ANK3: variants seen among roughly 807,000 people sequenced by gnomAD.
ANK3 encodes ankyrin-3.
ANK3 carries 57 observed loss-of-function variants against 370.9 expected under a neutral mutation model. That is an observed-to-expected ratio of 0.15 (90% confidence interval 0.12 to 0.19). The LOEUF is 0.19. Ranked by LOEUF, ANK3 falls within the 10% of genes least tolerant of loss-of-function variation. The pLI, the probability that ANK3 is intolerant of heterozygous loss-of-function variation, is 1.00. For synonymous variants in ANK3, 1,929 were observed against 1,946.3 expected (o/e 0.99, Z 0.23); for missense variants, 4,439 against 5,302.1 (o/e 0.84, Z 5.06).
chr10:60,042,841 G>A, intron 42 of ANK3, 82 bp from the exon 43 acceptor site: 4 of 1,584,904 alleles, frequency 2.5e-6, no homozygotes, highest in Non-Finnish European at 3.4e-6. Context: ...CTTGGAGGCT[G>A]GATTAGGACA....
intron 2 of ANK3, among the ~76,000 whole-genome samples, chr10:60,476,037 A>G (rs1251227782): frequency 6.6e-6 from 1 of 152,204 alleles, no homozygotes; most frequent in Non-Finnish European, 1.5e-5. Context: ...AGAAACCTCT[A>G]TGTTTTATTG....
intron 1 of ANK3, among the ~76,000 whole-genome samples, chr10:60,656,931 T>G (rs939875503): frequency 4.6e-5 from 7 of 151,102 alleles, no homozygotes; most frequent in Admixed American, 3.3e-4. Flanking sequence ...CTAATTGTTG[T>G]TGGTGGTTTT....
chr10:60,172,401 A>G lies in ANK3; in HGVS notation c.2385T>C (p.Asn795=), dbSNP rs372094828. 343 of 1,613,604 alleles carry G rather than the reference A, an allele frequency of 2.1e-4. No homozygotes were observed. Among genetic ancestry groups the G allele is most frequent in the Non-Finnish European group, 2.4e-4 (287 of 1,179,662 alleles). ...GGGCAATGCCAAGGGCAGTATTCCC[A>G]TTCTGGCAAAAGGAAAATGTGAGTG... is the stretch of plus-strand genomic sequence containing the variant. The part of the protein sequence containing the change: ...NNASPNELTV[N]GNTALGIARR... Residue 795 remains asparagine (N), a splice_region_variant and synonymous_variant, in exon 21 of 44, where the codon AAT becomes AAC. Transcript: ENST00000280772.
At chr10:60,228,406 T>A (rs2097195361) in intron 8 of ANK3, among the ~76,000 whole-genome samples, 1 of 151,784 alleles carries the variant, frequency 6.6e-6, no homozygotes, top group African/African-American at 2.4e-5. Context: ...AGGTGGCGTG[T>A]GCCTGTAATC....
At chr10:60,317,710 A>ATTTTT (rs11365078) in intron 1 of ANK3, among the ~76,000 whole-genome samples, 1 of 109,342 alleles carries the variant, frequency 9.1e-6, no homozygotes, top group African/African-American at 3.4e-5. Flanking sequence ...TCATGAGATA[A>ATTTTT]TTTTTTTTTT....
intron 42 of ANK3, among the ~76,000 whole-genome samples, chr10:60,050,304 T>G (rs891453449): frequency 6.6e-6 from 1 of 152,202 alleles, no homozygotes. Flanking sequence ...AGCTTACAAT[T>G]GATTTGCAGG....
intron 2 of ANK3, among the ~76,000 whole-genome samples, chr10:60,465,965 G>A (rs2065003767): frequency 6.6e-6 from 1 of 152,066 alleles, no homozygotes; most frequent in East Asian, 1.9e-4. Context: ...TTATTTTATA[G>A]AGGCATTAAG....
At chr10:60,503,408 T>A (rs1220515919) in intron 2 of ANK3, among the ~76,000 whole-genome samples, 1 of 152,208 alleles carries the variant, frequency 6.6e-6, no homozygotes, top group African/African-American at 2.4e-5. Flanking sequence ...ATTGTCTCAC[T>A]AAATCCTCAT....
intron 2 of ANK3, among the ~76,000 whole-genome samples, chr10:60,545,862 C>T (rs2076952040): frequency 6.6e-6 from 1 of 152,174 alleles, no homozygotes; most frequent in African/African-American, 2.4e-5. Flanking sequence ...CTATCAACCA[C>T]TTACAAGAAA....
intron 1 of ANK3, among the ~76,000 whole-genome samples, chr10:60,349,782 G>C (rs1413623811): frequency 6.6e-6 from 1 of 152,142 alleles, no homozygotes; most frequent in Non-Finnish European, 1.5e-5. Context: ...CCTTCTAATA[G>C]GCACAAATAT....
chr10:60,274,203 C>G (rs1279239557), intron 4 of ANK3, among the ~76,000 whole-genome samples: 2 of 152,030 alleles, frequency 1.3e-5, no homozygotes, highest in Non-Finnish European at 2.9e-5. Flanking sequence ...CAAATTCTGG[C>G]CTCAAGTGAT....
At chr10:60,566,568 G>A (rs2077467191) in intron 2 of ANK3, among the ~76,000 whole-genome samples, 1 of 152,172 alleles carries the variant, frequency 6.6e-6, no homozygotes, top group African/African-American at 2.4e-5. Flanking sequence ...TGAGTGCTGT[G>A]GATAGATCAA....
chr10:60,642,582 T>G (rs1039211217), intron 1 of ANK3, among the ~76,000 whole-genome samples: 4 of 146,336 alleles, frequency 2.7e-5, no homozygotes, highest in Non-Finnish European at 5.9e-5. Context: ...AATTGAACAA[T>G]GAGATCACAT....
chr10:60,338,249 C>T (rs768940951), intron 1 of ANK3, among the ~76,000 whole-genome samples: 1 of 152,146 alleles, frequency 6.6e-6, no homozygotes, highest in Admixed American at 6.6e-5. Flanking sequence ...CCCCATCCAG[C>T]AGGCATAGAA....
chr10:60,198,633 G>T (rs1591615417), intron 13 of ANK3, 96 bp from the exon 14 acceptor site: 1 of 1,133,390 alleles, frequency 8.8e-7, no homozygotes, highest in Non-Finnish European at 1.3e-6. Context: ...GATGTAAGAG[G>T]TACAATCAAC....
At chr10:60,220,197 T>C (rs574619797) in intron 8 of ANK3, among the ~76,000 whole-genome samples, 10 of 141,154 alleles carry the variant, frequency 7.1e-5, no homozygotes, top group Non-Finnish European at 1.0e-4. Flanking sequence ...AGTACAGTGA[T>C]TTTTTTTTAT....
chr10:60,164,728 A>G (rs912451934), intron 23 of ANK3, among the ~76,000 whole-genome samples: 4 of 152,136 alleles, frequency 2.6e-5, no homozygotes, highest in Non-Finnish European at 5.9e-5. Context: ...GAATTAAAGA[A>G]TTCTCATTAT....
chr10:60,616,754 G>A (rs922830795), intron 1 of ANK3, among the ~76,000 whole-genome samples: 10 of 152,068 alleles, frequency 6.6e-5, no homozygotes, highest in Admixed American at 2.0e-4. Context: ...TGGCACTTGC[G>A]TATCATGTGC....
At chr10:60,593,279 T>C (rs2077941626) in intron 2 of ANK3, among the ~76,000 whole-genome samples, 1 of 152,170 alleles carries the variant, frequency 6.6e-6, no homozygotes, top group South Asian at 2.1e-4. Context: ...CCCCCAACCC[T>C]TTTAAGACAT....
Sources: allele counts gnomAD v4.1 joint callset (sites outside exome capture counted in the v4.1 genomes callset), GRCh38; gene constraint gnomAD v4.1.1; transcripts MANE v1.5; gene names NCBI Gene and HGNC (gene_info 2026-07-23, HGNC 2026-07-21).